ZNF722: variants seen among roughly 807,000 people sequenced by gnomAD.
ZNF722 encodes the protein zinc finger protein 479 pseudogene.
At chr7:64,004,304 G>A in the ZNF722 span, among the ~76,000 whole-genome samples, 2 of 149,650 alleles carry the variant, frequency 1.3e-5, no homozygotes, top group Admixed American at 6.6e-5. Flanking sequence ...AGCTACTCAG[G>A]AGGATGAGGC....
chr7:64,015,005 CTT>C, the ZNF722 span: 1 of 1,270,958 alleles, frequency 7.9e-7, no homozygotes, highest in Non-Finnish European at 1.1e-6. Flanking sequence ...AGTGGAGTAA[CTT>C]GTGATTTTTA....
chr7:64,015,295 C>CA, the ZNF722 span: 1 of 1,259,654 alleles, frequency 7.9e-7, no homozygotes, highest in Admixed American at 1.8e-5. Context: ...AGACATGAAA[C>CA]AAGATATACT....
chr7:64,004,530 G>T, the ZNF722 span, among the ~76,000 whole-genome samples: 1 of 149,014 alleles, frequency 6.7e-6, no homozygotes, highest in Non-Finnish European at 1.5e-5. Context: ...TGTCCTGTGT[G>T]CATCAGCACA....
the ZNF722 span, among the ~76,000 whole-genome samples, chr7:64,004,417 AAAAAAAAAATATATATATAT>A: frequency 4.3e-5 from 3 of 69,722 alleles, no homozygotes; most frequent in African/African-American, 1.9e-4. Flanking sequence ...TCTTAAAAAA[AAAAAAAAAATATATATATAT>A]ATATATATAT....
At chr7:64,014,748 G>C in the ZNF722 span, among the ~76,000 whole-genome samples, 3 of 152,162 alleles carry the variant, frequency 2.0e-5, no homozygotes, top group Non-Finnish European at 4.4e-5. Flanking sequence ...GGATGAGGAA[G>C]GGCTGTGTTG....
the ZNF722 span, among the ~76,000 whole-genome samples, chr7:64,010,292 A>G: frequency 6.6e-6 from 1 of 151,830 alleles, no homozygotes; most frequent in Non-Finnish European, 1.5e-5. Flanking sequence ...TAGCTTTTGA[A>G]TTTGTCTTCT....
At chr7:64,006,524 A>G in the ZNF722 span, among the ~76,000 whole-genome samples, 1 of 152,142 alleles carries the variant, frequency 6.6e-6, no homozygotes, top group Admixed American at 6.6e-5. Context: ...CTTCCACTTC[A>G]ATAATCTTTC....
chr7:64,015,462 A>T, the ZNF722 span: 8 of 1,611,104 alleles, frequency 5.0e-6, no homozygotes, highest in Non-Finnish European at 6.8e-6. Flanking sequence ...TACACATAAA[A>T]GAATTCATAC....
At chr7:64,011,497 T>C in the ZNF722 span, among the ~76,000 whole-genome samples, 1 of 152,180 alleles carries the variant, frequency 6.6e-6, no homozygotes, top group African/African-American at 2.4e-5. Flanking sequence ...TTATTTCTCC[T>C]TCATTTATGA....
At chr7:64,016,789 G>A in the ZNF722 span, among the ~76,000 whole-genome samples, 1 of 152,124 alleles carries the variant, frequency 6.6e-6, no homozygotes, top group South Asian at 2.1e-4. Context: ...AAATGTGACA[G>A]AGCATTTAAC....
chr7:63,999,033 G>A, the ZNF722 span: 9 of 1,570,174 alleles, frequency 5.7e-6, no homozygotes, highest in East Asian at 2.2e-5. Flanking sequence ...TGAGAGGGGC[G>A]GGAGACGGTT....
chr7:64,014,957 A>G, the ZNF722 span: 12 of 1,105,866 alleles, frequency 1.1e-5, no homozygotes, highest in South Asian at 1.5e-4. Flanking sequence ...ATAATTTTAT[A>G]TATTCGATTT....
the ZNF722 span, among the ~76,000 whole-genome samples, chr7:64,008,644 T>C: frequency 6.6e-6 from 1 of 152,208 alleles, no homozygotes; most frequent in Non-Finnish European, 1.5e-5. Context: ...TTGGTTACTG[T>C]AGCCTTGTAG....
the ZNF722 span, among the ~76,000 whole-genome samples, chr7:64,009,665 C>T: frequency 6.6e-6 from 1 of 151,994 alleles, no homozygotes; most frequent in Non-Finnish European, 1.5e-5. Flanking sequence ...TGAGGATTTT[C>T]GCATCGATGT....
the ZNF722 span, among the ~76,000 whole-genome samples, chr7:64,002,963 G>A: frequency 1.3e-5 from 2 of 152,174 alleles, no homozygotes; most frequent in African/African-American, 4.8e-5. Flanking sequence ...ATGTGTCTGG[G>A]AAAGCACAGT....
the ZNF722 span, among the ~76,000 whole-genome samples, chr7:64,000,849 C>T: frequency 6.6e-6 from 1 of 152,110 alleles, no homozygotes; most frequent in African/African-American, 2.4e-5. Context: ...GTGATCTCAC[C>T]TCATTACAAC....
chr7:63,999,121 C>A, the ZNF722 span: 1 of 1,164,362 alleles, frequency 8.6e-7, no homozygotes, highest in Non-Finnish European at 1.3e-6. Flanking sequence ...CCCAAATCCT[C>A]CTTGTCCCAG....
At chr7:64,007,222 T>TGTG in the ZNF722 span, among the ~76,000 whole-genome samples, 7,578 of 131,674 alleles carry the variant, frequency 0.058, 300 homozygotes, top group Non-Finnish European at 0.073. Flanking sequence ...ATTTGTGTGT[T>TGTG]TGTGTGTGTA....
the ZNF722 span, chr7:64,015,008 G>A: frequency 1.3e-4 from 161 of 1,273,586 alleles, 1 homozygote; most frequent in Middle Eastern, 3.8e-4. Flanking sequence ...GGAGTAACTT[G>A]TGATTTTTAT....
Sources: gnomAD v4.1 joint callset for allele counts (sites outside exome capture counted in the v4.1 genomes callset) on GRCh38, gnomAD v4.1.1 for gene constraint, MANE v1.5 for transcripts, NCBI Gene and HGNC (gene_info 2026-07-23, HGNC 2026-07-21) for gene names.